The following MYO1B variants were observed in gnomAD, a reference collection of about 807,000 sequenced individuals.
The protein encoded by MYO1B is unconventional myosin-Ib.
Under a neutral mutation model 159.7 loss-of-function variants are expected in MYO1B, and 72 were observed. That is an observed-to-expected ratio of 0.45 (90% CI 0.37 to 0.55). The LOEUF (loss-of-function observed/expected upper bound fraction) is 0.55. MYO1B is among the 20% of genes least tolerant of loss of function. The pLI is 0.00. For synonymous variants in MYO1B, 468 were observed against 473.8 expected, an observed-to-expected ratio of 0.99 and a Z score of 0.16; for missense variants, 1,062 against 1,364.8, an observed-to-expected ratio of 0.78 and a Z score of 3.50.
chr2:191,343,513 T>C (rs528339725), intron 5 of MYO1B, among the ~76,000 whole-genome samples: 8 of 152,396 alleles, frequency 5.2e-5, no homozygotes, highest in Non-Finnish European at 1.0e-4. Context: ...ATGCTGTTTT[T>C]GATCTTTCCT....
At chr2:191,273,183 A>G (rs1405079818) in intron 1 of MYO1B, among the ~76,000 whole-genome samples, 1 of 151,994 alleles carries the variant, frequency 6.6e-6, no homozygotes. Flanking sequence ...CAGTGGTGCA[A>G]TCTCAGCTCA....
At chr2:191,378,315 T>TG (rs1694837168) in intron 13 of MYO1B, among the ~76,000 whole-genome samples, 1 of 152,170 alleles carries the variant, frequency 6.6e-6, no homozygotes, top group Admixed American at 6.5e-5. Context: ...TTGAGCAACA[T>TG]GGCTGTTTAT....
At chr2:191,385,523 TGC>T (rs1695347436) in intron 15 of MYO1B, among the ~76,000 whole-genome samples, 3 of 46,270 alleles carry the variant, frequency 6.5e-5, no homozygotes, top group South Asian at 2.4e-3. Flanking sequence ...CATTCATTTC[TGC>T]TTTTAGATTT....
Position 191,381,495 on chromosome 2 carries a change from TGTAAC to T in MYO1B, c.1221_1225del (p.Cys407Ter), listed in dbSNP as rs1210706729. The stretch of plus-strand genomic sequence containing the variant: ...CTTTGAGCAGTTCATTATTAATTAT[TGTAAC>T]GAAAAGCTGCAACAAATCTTCATTG... On this transcript the variant is annotated frameshift_variant, in exon 14 of 31. Transcript: ENST00000392318. LOFTEE classifies it high-confidence loss of function. 1 of 1,613,748 alleles carries T rather than the reference TGTAAC, an allele frequency of 6.2e-7. No individual in the cohort carries two copies. Among genetic ancestry groups the T allele is most frequent in the Non-Finnish European group, 8.5e-7 (1 of 1,179,768 alleles).
intron 30 of MYO1B, among the ~76,000 whole-genome samples, chr2:191,419,903 A>G (rs1697831522): frequency 6.6e-6 from 1 of 152,214 alleles, no homozygotes; most frequent in African/African-American, 2.4e-5. Context: ...GTGTTATTAC[A>G]AAAGAGCCAA....
intron 1 of MYO1B, among the ~76,000 whole-genome samples, chr2:191,254,989 G>T (rs929249583): frequency 6.6e-6 from 1 of 152,122 alleles, no homozygotes; most frequent in Admixed American, 6.5e-5. Context: ...GTACAGTGGT[G>T]TGAACATAGC....
chr2:191,403,814 C>T (rs963846356), intron 24 of MYO1B, among the ~76,000 whole-genome samples: 5 of 152,110 alleles, frequency 3.3e-5, no homozygotes, highest in Non-Finnish European at 5.9e-5. Context: ...AGCTCTATAA[C>T]CGGTTTTTTT....
At chr2:191,339,815 T>C (rs1388415678) in intron 4 of MYO1B, among the ~76,000 whole-genome samples, 1 of 152,192 alleles carries the variant, frequency 6.6e-6, no homozygotes, top group Non-Finnish European at 1.5e-5. Context: ...GTGGCTCCTA[T>C]TGGTTGATGC....
At chr2:191,332,243 G>A (rs7569007) in intron 4 of MYO1B, among the ~76,000 whole-genome samples, 7 of 149,586 alleles carry the variant, frequency 4.7e-5, no homozygotes, top group South Asian at 2.2e-4. Context: ...GATTACAGGC[G>A]CGAGCCACCA....
intron 30 of MYO1B, among the ~76,000 whole-genome samples, chr2:191,417,444 A>G (rs1697646308): frequency 6.6e-6 from 1 of 152,276 alleles, no homozygotes; most frequent in East Asian, 1.9e-4. Flanking sequence ...ATCCCTTTAT[A>G]ATAGTTGAAG....
intron 3 of MYO1B, among the ~76,000 whole-genome samples, chr2:191,303,512 A>G (rs1259245057): frequency 6.6e-6 from 1 of 152,220 alleles, no homozygotes; most frequent in Non-Finnish European, 1.5e-5. Flanking sequence ...TTTACTGAGC[A>G]AATATTTATT....
At chr2:191,281,685 G>C (rs143556648) in intron 2 of MYO1B, among the ~76,000 whole-genome samples, 41 of 152,292 alleles carry the variant, frequency 2.7e-4, no homozygotes, top group African/African-American at 9.6e-4. Flanking sequence ...CAGGACTGTG[G>C]TTCTATTCAG....
intron 8 of MYO1B, among the ~76,000 whole-genome samples, chr2:191,361,753 C>T (rs557960484): frequency 6.7e-5 from 10 of 148,594 alleles, no homozygotes; most frequent in African/African-American, 1.7e-4. Flanking sequence ...TACTTCAAAG[C>T]GAGGACCTCT....
intron 30 of MYO1B, among the ~76,000 whole-genome samples, chr2:191,418,076 A>G (rs1248745909): frequency 6.6e-6 from 1 of 152,350 alleles, no homozygotes; most frequent in East Asian, 1.9e-4. Flanking sequence ...AATGCCTTTC[A>G]TTCTCCAGTG....
In MYO1B at chr2:191,362,341, G is replaced by GGAT. The variant is rs747639128; in HGVS notation, c.740_742dup (p.Asp247dup). 1 of 1,613,692 alleles carries GGAT rather than the reference G, an allele frequency of 6.2e-7. No individual in the cohort carries two copies. The highest frequency in any genetic ancestry group is 8.5e-7 in the Non-Finnish European group (1 of 1,179,786). On this transcript the variant is annotated inframe_insertion, in exon 9 of 31. Transcript: ENST00000392318. ...TGGATTCGGCCAAAGTGAATGGAGT[G>GGAT]GATGATGCAGCAAATTTTAGAACCG...
At chr2:191,398,560 C>G (rs1337121763) in intron 21 of MYO1B, among the ~76,000 whole-genome samples, 2 of 150,114 alleles carry the variant, frequency 1.3e-5, no homozygotes, top group Non-Finnish European at 3.0e-5. Flanking sequence ...ACGGGGCGGC[C>G]GGGCAGAGAC....
rs1270463325 is a variant in MYO1B at position 191,400,396 on chromosome 2, G to A, written c.2310G>A (p.Leu770=). 2 of 1,613,656 alleles carry A rather than the reference G, an allele frequency of 1.2e-6. No individual in the cohort carries two copies. Among genetic ancestry groups the A allele is most frequent in the African/African-American group, 2.7e-5 (2 of 74,746 alleles). The change falls in exon 22 of 31, where the codon CTG becomes CTA. Residue 770 remains leucine (L), a synonymous_variant. Transcript: ENST00000392318. ...YIRGWKARKI[L]RELKHQKRCK... ...CTGCCCTTTAGGCTCGAAAAATTCT[G>A]CGGGAACTGAAGCATCAAAAGCGCT...
chr2:191,276,819 G>A (rs753127608), intron 1 of MYO1B, 68 bp from the exon 2 acceptor site: 43 of 1,520,628 alleles, frequency 2.8e-5, no homozygotes, highest in Non-Finnish European at 3.4e-5. Flanking sequence ...GATTTCTGCA[G>A]TAGTGCCAAG....
intron 1 of MYO1B, among the ~76,000 whole-genome samples, chr2:191,258,733 G>A (rs181803172): frequency 2.0e-5 from 3 of 152,316 alleles, no homozygotes; most frequent in South Asian, 2.1e-4. Context: ...TAATACTGTG[G>A]AGGAGGATCA....
Sources: gnomAD v4.1 joint callset for allele counts (sites outside exome capture counted in the v4.1 genomes callset) on GRCh38, gnomAD v4.1.1 for gene constraint, MANE v1.5 for transcripts, NCBI Gene and HGNC (gene_info 2026-07-23, HGNC 2026-07-21) for gene names.